ZNF653: variants seen among roughly 807,000 people sequenced by gnomAD.
The protein encoded by ZNF653 is 67 kDa zinc finger protein.
ZNF653 carries 37 observed loss-of-function variants against 59.9 expected under a neutral mutation model. The ratio of observed to expected loss-of-function variants is 0.62; its 90% CI spans 0.48 to 0.81. The LOEUF (loss-of-function observed/expected upper bound fraction) is 0.81, where lower values mean the gene tolerates loss of function less well. ZNF653 is among the 40% of genes least tolerant of loss of function. The probability of loss-of-function intolerance (pLI) is 0.00; values close to 1 mark genes in which losing one functional copy is unlikely to be tolerated. For missense variants in ZNF653, 808 were observed against 881.1 expected (o/e 0.92, Z 1.05); for synonymous variants, 435 against 371.8 (o/e 1.17, Z -1.96).
At chr19:11,484,258 A>G in intron 7 of ZNF653, 117 bp from the exon 8 acceptor site, 1 of 817,232 alleles carries the variant, frequency 1.2e-6, no homozygotes, top group East Asian at 2.7e-5. Flanking sequence ...CCAGGACTGC[A>G]GGTGCAGGCC....
At position 11,496,153 on chromosome 19, in the gene ZNF653, T is replaced by C. The variant is rs1376183554; in HGVS notation, c.356A>G (p.Asn119Ser). 30 of 1,613,624 alleles carry C rather than the reference T, an allele frequency of 1.9e-5. No homozygotes were observed. The highest frequency in any genetic ancestry group is 2.4e-5 in the Non-Finnish European group (28 of 1,179,974). Residue 119 changes from asparagine to serine, a missense_variant, in exon 3 of 9, where the codon AAC becomes AGC. Asn to Ser is a conservative substitution (Grantham distance 46, BLOSUM62 1). Transcript: ENST00000293771. ...CACCACGTTCTTCAGGCAGTTCACG[T>C]TGCGTCGCCGCCCTATGGACACAGG... ...KPKRKKRRRR[N>S]VNCLKNVVIW...
Position 11,495,092 on chromosome 19 carries a change from G to T in ZNF653, c.559+858C>A, listed in dbSNP as rs1971571783. 1.3e-5 allele frequency among the ~76,000 whole-genome samples: 2 copies of T among 152,180 alleles called. No individual in the cohort carries two copies. Among genetic ancestry groups the T allele is most frequent in the African/African-American group, 4.8e-5 (2 of 41,446 alleles). The stretch of plus-strand genomic sequence containing the variant: ...GCTGGGATGCCACCTGCTCCGAGAT[G>T]CCAGCCAGCGCAGGCTCAGCCCTGG... On this transcript the variant is annotated intron_variant, in intron 3 of 8. Transcript: ENST00000293771. This position sits in a 1 kb window ranked among gnomAD's most constrained non-coding sequence, Gnocchi z 4.9.
At chr19:11,497,806 T>G (rs756532753) in intron 2 of ZNF653, among the ~76,000 whole-genome samples, 8 of 152,080 alleles carry the variant, frequency 5.3e-5, no homozygotes, top group African/African-American at 7.2e-5. Flanking sequence ...CCTCATCCCT[T>G]GAGGATTCAG....
rs752867523 is a variant in ZNF653 at position 11,486,995 on chromosome 19, C to G, written c.1335G>C (p.Glu445Asp). The part of the protein sequence containing the change: ...MSAIIYEIPK[E>D]PEKRRRSKRS... ...CCCGCCCCGGCACCCACTTCTCAGGCTCCTTGGGGATTTCATAGATGATGG... is the reference window on the plus strand; with the variant it reads ...CCCGCCCCGGCACCCACTTCTCAGGGTCCTTGGGGATTTCATAGATGATGG... Residue 445 changes from glutamate (E) to aspartate (D), a missense_variant, in exon 5 of 9, where the codon GAG becomes GAC. Physicochemically the swap from Glu to Asp is conservative, Grantham distance 45. Transcript: ENST00000293771. 3 of 1,613,814 alleles carry G rather than the reference C, an allele frequency of 1.9e-6. No individual in the cohort carries two copies. The highest frequency in any genetic ancestry group is 3.3e-5 in the Admixed American group (2 of 60,016).
intron 8 of ZNF653, 45 bp downstream of exon 8, chr19:11,483,997 C>G (rs1568392091): frequency 1.9e-6 from 3 of 1,541,608 alleles, no homozygotes; most frequent in Non-Finnish European, 2.6e-6. Flanking sequence ...GCTGGGATCC[C>G]CTCCCACCCA....
intron 7 of ZNF653, 22 bp downstream of exon 7, chr19:11,485,634 G>A: frequency 6.3e-7 from 1 of 1,596,810 alleles, no homozygotes. Flanking sequence ...CGCTCATGCT[G>A]CCAGCTGGCC....
chr19:11,494,412 C>T (rs1413800912), intron 3 of ZNF653, among the ~76,000 whole-genome samples: 3 of 150,764 alleles, frequency 2.0e-5, no homozygotes, highest in Non-Finnish European at 4.4e-5. Flanking sequence ...AACATAAGGC[C>T]GGGTGCAGTG....
rs193225997 is a variant in ZNF653 at position 11,495,498 on chromosome 19, T to C, written c.559+452A>G. The C allele has an allele frequency of 2.3e-4, 43 of 184,876 alleles. No individual in the cohort carries two copies. Among genetic ancestry groups the C allele is most frequent in the African/African-American group, 9.5e-4 (40 of 41,922 alleles). 11.5% of individuals were successfully genotyped at this position (184,876 alleles called of 1,614,324 possible). On this transcript the variant is annotated intron_variant, in intron 3 of 8. Coordinates refer to ENST00000293771, the MANE Select transcript of ZNF653 (RefSeq NM_138783.4). This position sits in a 1 kb window ranked among gnomAD's most constrained non-coding sequence, Gnocchi z 4.9. Reference sequence around the variant, plus strand: ...AAGGCAGAAGGCAAGAGAATGCAACTGGGAGCCAGAGAAAATCGAAAAGGA... The same window carrying C: ...AAGGCAGAAGGCAAGAGAATGCAACCGGGAGCCAGAGAAAATCGAAAAGGA...
chr19:11,488,982 C>G (rs1971502103), intron 3 of ZNF653, among the ~76,000 whole-genome samples: 1 of 151,754 alleles, frequency 6.6e-6, no homozygotes. Flanking sequence ...TCACTGTAAC[C>G]TCTGCCTCCT....
intron 2 of ZNF653, among the ~76,000 whole-genome samples, chr19:11,498,060 A>G (rs989039627): frequency 6.6e-6 from 1 of 152,182 alleles, no homozygotes; most frequent in African/African-American, 2.4e-5. Flanking sequence ...GCTCTGCAAA[A>G]GCTGTTCCCT....
In ZNF653 at chr19:11,486,832, G is replaced by A. The variant is rs372483820; in HGVS notation, c.1392C>T (p.Leu464=). 26 of 1,611,950 alleles carry A rather than the reference G, an allele frequency of 1.6e-5. No homozygotes were observed. Among genetic ancestry groups the A allele is most frequent in the Admixed American group, 1.0e-4 (6 of 59,818 alleles). Reference sequence around the variant, plus strand: ...CCTCGTATGGGCAGTGGAACATCTCGAGCAGGCCGTCAGCATCCATCACCC... The same window carrying A: ...CCTCGTATGGGCAGTGGAACATCTCAAGCAGGCCGTCAGCATCCATCACCC... The part of the protein sequence containing the change: ...RSRVMDADGL[L]EMFHCPYEGC... The change falls in exon 6 of 9, where the codon CTC becomes CTT. Residue 464 remains leucine, a synonymous_variant. Coordinates refer to ENST00000293771, the MANE Select transcript of ZNF653 (RefSeq NM_138783.4).
rs752057723 is a variant in ZNF653, at chr19:11,483,714, G to T, written c.1816C>A (p.Leu606Ile). 1 of 1,613,532 alleles carries T rather than the reference G, an allele frequency of 6.2e-7. No homozygotes were observed. The highest frequency in any genetic ancestry group is 8.5e-7 in the Non-Finnish European group (1 of 1,179,508). The change falls in exon 9 of 9, where the codon CTC becomes ATC. Residue 606 changes from leucine to isoleucine, a missense_variant. Physicochemically the swap from Leu to Ile is conservative, Grantham distance 5 (BLOSUM62 2). Transcript: ENST00000293771. Reference sequence around the variant, plus strand: ...GGCTTGTGATCCGGGTGGCTTTTGAGCGTGTGGAACTTGACGCTGTCCAGC... The same window carrying T: ...GGCTTGTGATCCGGGTGGCTTTTGATCGTGTGGAACTTGACGCTGTCCAGC... ...EKLDSVKFHT[L>I]KSHPDHKPT
At position 11,487,978 on chromosome 19, in the gene ZNF653, T is replaced by TTTATTTATTTATTTA. The variant is rs1555736351; in HGVS notation, c.560-76_560-75insTAAATAAATAAATAA. On this transcript the variant is annotated intron_variant, in intron 3 of 8. Coordinates refer to ENST00000293771, the MANE Select transcript of ZNF653 (RefSeq NM_138783.4). This position sits in a 1 kb window ranked among gnomAD's most constrained non-coding sequence, Gnocchi z 5.1. ...ATTTGTTTATTTAGTTTTTATTTTA[T>TTTATTTATTTATTTA]TTTATTTATTTATTTATTTATTTTT... is the stretch of plus-strand genomic sequence containing the variant. 2.3e-4 allele frequency: 261 copies of TTTATTTATTTATTTA among 1,134,932 alleles called. 2 individuals are homozygous for TTTATTTATTTATTTA. The African/African-American group carries it at 4.7e-3, about 20-fold the overall frequency. 70.3% of individuals were successfully genotyped at this position (1,134,932 alleles called of 1,614,324 possible).
chr19:11,498,736 G>A (rs1207519910), intron 1 of ZNF653, among the ~76,000 whole-genome samples: 2 of 149,890 alleles, frequency 1.3e-5, no homozygotes, highest in South Asian at 2.1e-4. Flanking sequence ...GAGCCGCCAC[G>A]CCTGCCCTGA....
At chr19:11,498,808 G>C (rs1235289571) in intron 1 of ZNF653, among the ~76,000 whole-genome samples, 2 of 151,426 alleles carry the variant, frequency 1.3e-5, no homozygotes, top group African/African-American at 4.9e-5. Flanking sequence ...GCAGTGGTGC[G>C]ATCTCGGTTC....
rs746625531 is a variant in ZNF653 at position 11,487,042 on chromosome 19, G to A, written c.1288C>T (p.Leu430=). 4 of 1,614,120 alleles carry A rather than the reference G, an allele frequency of 2.5e-6. No homozygotes were observed. Among genetic ancestry groups the A allele is most frequent in the Non-Finnish European group, 3.4e-6 (4 of 1,180,006 alleles). The change falls in exon 5 of 9, where the codon CTG becomes TTG. Residue 430 remains leucine (L), a synonymous_variant. Transcript: ENST00000293771. The surrounding 1 kb of genome is among the most constrained non-coding windows in gnomAD (Gnocchi z 5.1). Reference sequence around the variant, plus strand: ...ATGGCTGACATGTCGCTGCCGTCCAGCTCCTCCCCGTCCGCCTCTGCCTCA... The same window carrying A: ...ATGGCTGACATGTCGCTGCCGTCCAACTCCTCCCCGTCCGCCTCTGCCTCA... ...EPEAEADGEE[L]DGSDMSAIIY...
Position 11,487,835 on chromosome 19 carries a change from A to T in ZNF653, c.628T>A (p.Ser210Thr). Residue 210 changes from serine (S) to threonine (T), a missense_variant, in exon 4 of 9, where the codon TCT becomes ACT. Physicochemically the swap from Ser to Thr is moderately conservative, Grantham distance 58. Transcript: ENST00000293771. This position sits in a 1 kb window ranked among gnomAD's most constrained non-coding sequence, Gnocchi z 5.1. Reference protein sequence around the residue: ...SSGSASDSEESPEGQPVKAAA... With the variant: ...SSGSASDSEETPEGQPVKAAA... The stretch of plus-strand genomic sequence containing the variant: ...GCCTTGACCGGCTGGCCCTCAGGAG[A>T]CTCCTCAGAGTCAGAGGCAGAGCCA... 6.2e-7 allele frequency: 1 copy of T among 1,610,926 alleles called. No homozygotes were observed. Among genetic ancestry groups the T allele is most frequent in the Non-Finnish European group, 8.5e-7 (1 of 1,178,822 alleles).
At chr19:11,505,366 CGGCTCCTGGGCGG>C in intron 1 of ZNF653, 109 bp downstream of exon 1, 1 of 1,079,728 alleles carries the variant, frequency 9.3e-7, no homozygotes, top group Non-Finnish European at 1.2e-6. Flanking sequence ...GCCGCCGGCC[CGGCTCCTGGGCGG>C]GGTCCGCAGG....
In ZNF653 at chr19:11,487,638, T is replaced by C. The variant is rs1483110732; in HGVS notation, c.825A>G (p.Thr275=). The C allele has an allele frequency of 1.2e-6, 2 of 1,613,838 alleles. No individual in the cohort carries two copies. The highest frequency in any genetic ancestry group is 3.3e-5 in the Admixed American group (2 of 60,028). Residue 275 remains threonine (T), a synonymous_variant, in exon 4 of 9, where the codon ACA becomes ACG. Coordinates refer to ENST00000293771, the MANE Select transcript of ZNF653 (RefSeq NM_138783.4). The surrounding 1 kb of genome is among the most constrained non-coding windows in gnomAD (Gnocchi z 5.1). ...PAGNGPEALE[T]VVCVPVPVQV... The stretch of plus-strand genomic sequence containing the variant: ...GCACAGGCACCGGCACGCACACCAC[T>C]GTCTCCAGGGCTTCAGGCCCATTGC...
Sources: allele counts gnomAD v4.1 joint callset (sites outside exome capture counted in the v4.1 genomes callset), GRCh38; gene constraint gnomAD v4.1.1; non-coding constraint Gnocchi (gnomAD v3.1); transcripts MANE v1.5; gene names NCBI Gene and HGNC (gene_info 2026-07-23, HGNC 2026-07-21).